The following FHIT variants were observed in gnomAD, a reference collection of about 807,000 sequenced individuals.
FHIT encodes the protein fragile histidine triad diadenosine triphosphatase, also known as bis(5'-adenosyl)-triphosphatase.
Under a neutral mutation model 17.9 loss-of-function variants are expected in FHIT, and 19 were observed. The ratio of observed to expected loss-of-function variants is 1.06; its 90% confidence interval spans 0.74 to 1.56. FHIT has a LOEUF of 1.56. Ranked by LOEUF, FHIT falls within the 40% of genes most tolerant of loss-of-function variation. The pLI is 0.00. For synonymous variants in FHIT, 81 were observed against 69.7 expected (o/e 1.16, Z -0.81); for missense variants, 248 against 189.2 (o/e 1.31, Z -1.82).
intron 5 of FHIT, among the ~76,000 whole-genome samples, chr3:60,475,086 TG>T (rs1251753366): frequency 2.1e-5 from 3 of 141,604 alleles, no homozygotes; most frequent in Non-Finnish European, 4.4e-5. Flanking sequence ...ACAGATAGCT[TG>T]GGGGAAAACG....
Position 60,017,989 on chromosome 3 carries a change from A to G in FHIT, c.104-3837T>C, listed in dbSNP as rs955640144. 2.6e-5 allele frequency among the ~76,000 whole-genome samples: 4 copies of G among 152,062 alleles called. No individual in the cohort carries two copies. In the South Asian group the frequency reaches 8.3e-4, roughly 32 times the overall value. On this transcript the variant is annotated intron_variant, in intron 5 of 9. Transcript: ENST00000492590. ...TCCCCTCCCCTTGAGTGTCTATCTT[A>G]CTTTGTGTTTGTGTTGTTATAAAAG...
chr3:60,717,883 A>G (rs1735468), intron 4 of FHIT, among the ~76,000 whole-genome samples: 109,157 of 152,018 alleles, frequency 0.72, 40,034 homozygotes, highest in East Asian at 0.9. Context: ...CAAGAAATCA[A>G]CTCAACAAAA....
intron 8 of FHIT, among the ~76,000 whole-genome samples, chr3:59,779,053 G>A (rs1000021626): frequency 6.6e-6 from 1 of 152,174 alleles, no homozygotes; most frequent in Non-Finnish European, 1.5e-5. Flanking sequence ...GGGCACTACT[G>A]ATTACTTGTA....
chr3:60,595,532 CATAT>C (rs60827524), intron 4 of FHIT, among the ~76,000 whole-genome samples: 5 of 148,848 alleles, frequency 3.4e-5, no homozygotes, highest in Non-Finnish European at 7.4e-5. Flanking sequence ...GACACACACA[CATAT>C]ATATGTGTGT....
intron 4 of FHIT, among the ~76,000 whole-genome samples, chr3:60,550,479 T>A (rs2036509932): frequency 6.6e-6 from 1 of 152,186 alleles, no homozygotes; most frequent in South Asian, 2.1e-4. Flanking sequence ...ACTAAAAAAA[T>A]TTTCAATTGT....
chr3:61,045,903 G>A (rs537616441), intron 2 of FHIT, among the ~76,000 whole-genome samples: 19 of 152,188 alleles, frequency 1.2e-4, no homozygotes, highest in South Asian at 1.0e-3. Flanking sequence ...GGCACATAAC[G>A]AAATGAAGGC....
Position 61,115,391 on chromosome 3 carries a change from C to T in FHIT, c.-163-73292G>A, listed in dbSNP as rs1031791860. ...CTGAAAGCCTGATAAGAGGCAGGAG[C>T]GCCAAGAGTAAAGGCCAAGCACAAG... On this transcript the variant is annotated intron_variant, in intron 2 of 9. Transcript: ENST00000492590. 7.2e-5 allele frequency among the ~76,000 whole-genome samples: 11 copies of T among 151,736 alleles called. 1 individual carries two copies. The highest frequency in any genetic ancestry group is 1.3e-4 in the Admixed American group (2 of 15,220).
chr3:61,166,410 A>C (rs1423259878), intron 2 of FHIT, among the ~76,000 whole-genome samples: 1 of 152,214 alleles, frequency 6.6e-6, no homozygotes, highest in African/African-American at 2.4e-5. Flanking sequence ...CAAGGAAACA[A>C]ACACTCACCA....
intron 3 of FHIT, among the ~76,000 whole-genome samples, chr3:60,892,924 C>T (rs554570866): frequency 9.9e-5 from 15 of 152,200 alleles, no homozygotes; most frequent in Admixed American, 2.6e-4. Context: ...GTGGAGTTAC[C>T]GGTAATGTCT....
chr3:60,803,709 C>T (rs929729992), intron 4 of FHIT, among the ~76,000 whole-genome samples: 8 of 152,158 alleles, frequency 5.3e-5, no homozygotes, highest in Middle Eastern at 3.4e-3. Context: ...CTGTCCCTGC[C>T]CCTGGTGTCA....
At chr3:61,076,394 G>T (rs1411447742) in intron 2 of FHIT, among the ~76,000 whole-genome samples, 1 of 152,104 alleles carries the variant, frequency 6.6e-6, no homozygotes, top group Non-Finnish European at 1.5e-5. Flanking sequence ...AAGAACGAAA[G>T]CTTTCCAATC....
At chr3:60,933,849 G>T (rs561758579) in intron 3 of FHIT, among the ~76,000 whole-genome samples, 3 of 151,984 alleles carry the variant, frequency 2.0e-5, no homozygotes, top group African/African-American at 2.4e-5. Flanking sequence ...CAGCCCTCAG[G>T]CATAAGAGTA....
intron 5 of FHIT, among the ~76,000 whole-genome samples, chr3:60,090,478 C>A (rs978712760): frequency 9.2e-5 from 14 of 152,146 alleles, no homozygotes; most frequent in African/African-American, 2.7e-4. Context: ...GAGCTGGGAG[C>A]ATTTTCTTTA....
At chr3:61,185,502 T>C (rs2038479842) in intron 2 of FHIT, among the ~76,000 whole-genome samples, 1 of 152,196 alleles carries the variant, frequency 6.6e-6, no homozygotes. Context: ...GCAGTATCTA[T>C]ACTGCTACAC....
At chr3:60,816,078 G>A (rs2205347) in intron 4 of FHIT, among the ~76,000 whole-genome samples, 77,972 of 151,890 alleles carry the variant, frequency 0.51, 20,873 homozygotes, top group East Asian at 0.84. Context: ...ACTGATTTCT[G>A]TACATTGATT....
chr3:60,893,269 C>T (rs1705609100), intron 3 of FHIT, among the ~76,000 whole-genome samples: 1 of 152,162 alleles, frequency 6.6e-6, no homozygotes. Context: ...CACAAGTTTC[C>T]ACTCTTCATC....
At chr3:60,689,291 T>C (rs1344495506) in intron 4 of FHIT, among the ~76,000 whole-genome samples, 1 of 152,158 alleles carries the variant, frequency 6.6e-6, no homozygotes, top group Non-Finnish European at 1.5e-5. Flanking sequence ...GGTATGTCTT[T>C]ATCAGCAGCA....
At chr3:61,066,486 A>G (rs2106720908) in intron 2 of FHIT, among the ~76,000 whole-genome samples, 1 of 152,254 alleles carries the variant, frequency 6.6e-6, no homozygotes, top group African/African-American at 2.4e-5. Context: ...GTAGTGACAT[A>G]CACCTGTAGT....
At position 60,031,760 on chromosome 3, in the gene FHIT, G is replaced by T. The variant is rs1250536109; in HGVS notation, c.104-17608C>A. 8.5e-5 allele frequency among the ~76,000 whole-genome samples: 13 copies of T among 152,206 alleles called. No homozygotes were observed. In the South Asian group the frequency reaches 1.5e-3, roughly 17 times the overall value. On this transcript the variant is annotated intron_variant, in intron 5 of 9. Coordinates refer to ENST00000492590, the MANE Select transcript of FHIT (RefSeq NM_002012.4). ...TAGGTCAGGAGTTCTTAACCTGGGG[G>T]TCCCACAGAGGCTTAGCAGAGGGTG...
Sources: allele counts gnomAD v4.1 joint callset (sites outside exome capture counted in the v4.1 genomes callset), GRCh38; gene constraint gnomAD v4.1.1; transcripts MANE v1.5; gene names NCBI Gene and HGNC (gene_info 2026-07-23, HGNC 2026-07-21).